The following EXOC2 variants were observed in gnomAD, a reference collection of about 807,000 sequenced individuals.
EXOC2 encodes the protein SEC5-like 1.
EXOC2 carries 70 observed loss-of-function variants against 131.8 expected under a neutral mutation model. That is an observed-to-expected ratio of 0.53 (90% CI 0.44 to 0.65). The LOEUF (loss-of-function observed/expected upper bound fraction) is 0.65, where lower values mean the gene tolerates loss of function less well. EXOC2 is among the 30% of genes least tolerant of loss of function. EXOC2 has a pLI of 0.00. For missense variants in EXOC2, 923 were observed against 1,108.6 expected, an observed-to-expected ratio of 0.83 and a Z score of 2.38; for synonymous variants, 411 against 398.4, an observed-to-expected ratio of 1.03 and a Z score of -0.38.
intron 1 of EXOC2, among the ~76,000 whole-genome samples, chr6:674,497 T>C (rs1259069680): frequency 1.3e-5 from 2 of 152,180 alleles, no homozygotes; most frequent in Admixed American, 1.3e-4. Context: ...GTAAGCTATG[T>C]TGGAAACAAA....
chr6:564,116 T>C lies in EXOC2; in HGVS notation c.1706A>G (p.Asn569Ser), dbSNP rs748566776. ...ATCCTGGATAGTCTGTAACAGGTCA[T>C]TAGGAATTTCAAGGGCAGTCAACGA... ...HESLTALEIPNDLLQTIQDLI... is the reference protein window; with the variant it reads ...HESLTALEIPSDLLQTIQDLI... The change falls in exon 16 of 28, where the codon AAT becomes AGT. Residue 569 changes from asparagine (N) to serine (S), a missense_variant. Transcript: ENST00000230449. 6.2e-6 allele frequency: 10 copies of C among 1,614,078 alleles called. No individual in the cohort carries two copies. In the East Asian group the frequency reaches 2.2e-4, roughly 36 times the overall value.
intron 22 of EXOC2, among the ~76,000 whole-genome samples, chr6:540,904 A>G (rs943232156): frequency 2.0e-5 from 3 of 152,238 alleles, no homozygotes; most frequent in Non-Finnish European, 4.4e-5. Flanking sequence ...GGAGCCAAGG[A>G]AAAACCTTAC....
chr6:672,453 T>C (rs963374654), intron 1 of EXOC2, among the ~76,000 whole-genome samples: 5 of 152,220 alleles, frequency 3.3e-5, no homozygotes, highest in Admixed American at 6.5e-5. Flanking sequence ...TTCTTCAAAA[T>C]GTGGTTTTTG....
At chr6:496,193 T>C (rs73380946) in intron 25 of EXOC2, among the ~76,000 whole-genome samples, 8,188 of 152,290 alleles carry the variant, frequency 0.054, 265 homozygotes, top group South Asian at 0.14. Context: ...TAAGGGTGGC[T>C]TCAGGTGATC....
At chr6:526,487 C>G (rs921743674) in intron 23 of EXOC2, among the ~76,000 whole-genome samples, 1 of 129,142 alleles carries the variant, frequency 7.7e-6, no homozygotes, top group Non-Finnish European at 1.5e-5. Flanking sequence ...GTTGCCCAGG[C>G]TGGAGTGCAA....
intron 1 of EXOC2, among the ~76,000 whole-genome samples, chr6:681,008 A>C (rs944719405): frequency 6.6e-6 from 1 of 152,164 alleles, no homozygotes; most frequent in Non-Finnish European, 1.5e-5. Flanking sequence ...CTGCCATAAG[A>C]AGCTATAAGA....
At chr6:614,340 G>A (rs1224416900) in intron 6 of EXOC2, among the ~76,000 whole-genome samples, 1 of 152,206 alleles carries the variant, frequency 6.6e-6, no homozygotes, top group African/African-American at 2.4e-5. Context: ...CAAGGTTTGG[G>A]GAGCTTCCTT....
At chr6:507,145 CA>C (rs1367421848) in intron 23 of EXOC2, among the ~76,000 whole-genome samples, 1 of 74,160 alleles carries the variant, frequency 1.3e-5, no homozygotes, top group African/African-American at 3.4e-5. Flanking sequence ...CATACACACA[CA>C]CACACAAGAA....
intron 12 of EXOC2, among the ~76,000 whole-genome samples, chr6:574,899 T>C (rs1758492467): frequency 6.6e-6 from 1 of 152,258 alleles, no homozygotes; most frequent in Non-Finnish European, 1.5e-5. Flanking sequence ...GTAATGCCTG[T>C]TTTCCAGATG....
chr6:562,150 C>T (rs573231652), intron 17 of EXOC2, among the ~76,000 whole-genome samples: 2 of 152,216 alleles, frequency 1.3e-5, no homozygotes, highest in Admixed American at 6.5e-5. Context: ...TGTGTGACCA[C>T]GCTGCCAGGC....
chr6:605,187 C>A (rs910737906), intron 7 of EXOC2, among the ~76,000 whole-genome samples: 8 of 152,184 alleles, frequency 5.3e-5, no homozygotes, highest in Non-Finnish European at 1.0e-4. Flanking sequence ...ACCCCATGGG[C>A]AGGCCTGGCT....
intron 11 of EXOC2, among the ~76,000 whole-genome samples, chr6:588,214 G>C (rs1005409960): frequency 1.3e-5 from 2 of 152,314 alleles, no homozygotes; most frequent in Non-Finnish European, 2.9e-5. Flanking sequence ...TAGATTAGCA[G>C]TGTTTACTGA....
chr6:553,391 G>GTA (rs1757252425), intron 21 of EXOC2, among the ~76,000 whole-genome samples: 1 of 1,082 alleles, frequency 9.2e-4, no homozygotes. Flanking sequence ...TTGTGTATAA[G>GTA]TGTGTGTGTG....
At chr6:599,901 T>C (rs769060835) in intron 7 of EXOC2, among the ~76,000 whole-genome samples, 16 of 152,150 alleles carry the variant, frequency 1.1e-4, no homozygotes, top group Non-Finnish European at 1.8e-4. Flanking sequence ...TGAATCACTG[T>C]AATGAAAGAG....
At chr6:676,137 A>T (rs184572301) in intron 1 of EXOC2, among the ~76,000 whole-genome samples, 1 of 20,330 alleles carries the variant, frequency 4.9e-5, no homozygotes, top group East Asian at 0.017. Flanking sequence ...GGAGACTCTG[A>T]GGTTCCCCAT....
intron 4 of EXOC2, among the ~76,000 whole-genome samples, chr6:623,803 G>A (rs1150860): frequency 0.089 from 13,606 of 152,156 alleles, 1,048 homozygotes; most frequent in African/African-American, 0.21. Context: ...ATCTGGGAAA[G>A]GTCTCCATAC....
intron 17 of EXOC2, among the ~76,000 whole-genome samples, chr6:561,777 G>A (rs1757711879): frequency 6.6e-6 from 1 of 152,106 alleles, no homozygotes; most frequent in Admixed American, 6.5e-5. Context: ...GTAGAGACGG[G>A]GTTTCAGCAT....
At chr6:529,826 T>C (rs1358597753) in intron 23 of EXOC2, among the ~76,000 whole-genome samples, 4 of 152,208 alleles carry the variant, frequency 2.6e-5, no homozygotes, top group Non-Finnish European at 4.4e-5. Flanking sequence ...GCTGATGTGT[T>C]AGATGTGTGA....
At chr6:664,522 T>C (rs768525319) in intron 1 of EXOC2, among the ~76,000 whole-genome samples, 11 of 152,188 alleles carry the variant, frequency 7.2e-5, no homozygotes, top group Non-Finnish European at 1.5e-4. Context: ...GGCATCACAC[T>C]ACCTGATTTC....
Sources: allele counts gnomAD v4.1 joint callset (sites outside exome capture counted in the v4.1 genomes callset), GRCh38; gene constraint gnomAD v4.1.1; transcripts MANE v1.5; gene names NCBI Gene and HGNC (gene_info 2026-07-23, HGNC 2026-07-21).